ASTN2: variants seen among roughly 807,000 people sequenced by gnomAD.
ASTN2 encodes the protein astrotactin-2.
A neutral mutation model predicts 139.8 loss-of-function variants in ASTN2; 54 were observed. The observed-to-expected ratio is 0.39, with a 90% CI of 0.31 to 0.48. The LOEUF (loss-of-function observed/expected upper bound fraction) is 0.48. Ranked by LOEUF, ASTN2 falls within the 20% of genes least tolerant of loss-of-function variation. ASTN2 has a pLI of 0.95. For synonymous variants in ASTN2, 756 were observed against 719.5 expected, an observed-to-expected ratio of 1.05 and a Z score of -0.81; for missense variants, 1,565 against 1,725.1, an observed-to-expected ratio of 0.91 and a Z score of 1.64.
At chr9:116,951,005 T>G (rs556433445) in intron 10 of ASTN2, among the ~76,000 whole-genome samples, 78 of 152,136 alleles carry the variant, frequency 5.1e-4, no homozygotes, top group African/African-American at 1.9e-3. Flanking sequence ...AACAATGTGG[T>G]CAAGACAGAG....
chr9:116,986,763 T>G (rs908658028), intron 7 of ASTN2, among the ~76,000 whole-genome samples: 1 of 152,190 alleles, frequency 6.6e-6, no homozygotes, highest in African/African-American at 2.4e-5. Context: ...GAGCCAGAAC[T>G]GGAATCCATC....
chr9:117,194,851 A>G (rs1300072504), intron 3 of ASTN2, among the ~76,000 whole-genome samples: 1 of 152,240 alleles, frequency 6.6e-6, no homozygotes, highest in Non-Finnish European at 1.5e-5. Flanking sequence ...GATTCAACAA[A>G]TCATTGACTT....
intron 1 of ASTN2, among the ~76,000 whole-genome samples, chr9:117,300,419 A>G (rs1001353888): frequency 1.3e-5 from 2 of 152,206 alleles, no homozygotes; most frequent in African/African-American, 4.8e-5. Flanking sequence ...TGTCAAATCA[A>G]TGTATCACTA....
At chr9:117,398,040 GTATT>G (rs751721980) in intron 1 of ASTN2, among the ~76,000 whole-genome samples, 7 of 152,126 alleles carry the variant, frequency 4.6e-5, no homozygotes, top group African/African-American at 7.2e-5. Flanking sequence ...ATGTATGTAT[GTATT>G]TGTGTACATG....
intron 1 of ASTN2, among the ~76,000 whole-genome samples, chr9:117,411,262 C>G (rs941925148): frequency 6.6e-6 from 1 of 152,098 alleles, no homozygotes; most frequent in African/African-American, 2.4e-5. Context: ...TAACTATTTG[C>G]TATTCTTTGA....
chr9:116,627,661 G>GT (rs534634288), intron 17 of ASTN2, among the ~76,000 whole-genome samples: 1 of 152,170 alleles, frequency 6.6e-6, no homozygotes, highest in South Asian at 2.1e-4. Flanking sequence ...AAAATAGCCT[G>GT]TTCAAGGTCA....
intron 6 of ASTN2, among the ~76,000 whole-genome samples, chr9:117,033,105 T>A (rs1325378027): frequency 2.6e-5 from 4 of 152,182 alleles, no homozygotes; most frequent in Admixed American, 6.6e-5. Context: ...TTGGTGACAC[T>A]CTGTGTGAAG....
chr9:116,910,556 T>C (rs4838015), intron 10 of ASTN2, among the ~76,000 whole-genome samples: 128,617 of 152,206 alleles, frequency 0.85, 55,265 homozygotes, highest in Middle Eastern at 0.93. Context: ...CATTCTGCAA[T>C]CCTCAGTAAC....
At chr9:116,787,101 G>A (rs144025942) in intron 13 of ASTN2, among the ~76,000 whole-genome samples, 78 of 152,234 alleles carry the variant, frequency 5.1e-4, no homozygotes, top group African/African-American at 1.8e-3. Context: ...CCCAGTCTTG[G>A]GTATGTCCTT....
intron 2 of ASTN2, among the ~76,000 whole-genome samples, chr9:117,273,651 A>C (rs2133128991): frequency 6.6e-6 from 1 of 152,264 alleles, no homozygotes; most frequent in East Asian, 1.9e-4. Context: ...TCAGGTGTCC[A>C]TTTTCATTGC....
intron 2 of ASTN2, among the ~76,000 whole-genome samples, chr9:117,244,553 G>T (rs1833310193): frequency 7.1e-6 from 1 of 141,022 alleles, no homozygotes; most frequent in African/African-American, 2.6e-5. Flanking sequence ...AGGTAGGACA[G>T]TGGGGAAGGA....
intron 20 of ASTN2, among the ~76,000 whole-genome samples, chr9:116,484,917 T>C (rs1344378953): frequency 6.6e-6 from 1 of 152,172 alleles, no homozygotes; most frequent in Non-Finnish European, 1.5e-5. Context: ...AAACATTTCA[T>C]TGCTGTCTAC....
chr9:117,077,479 A>G (rs748065287), intron 5 of ASTN2, among the ~76,000 whole-genome samples: 30 of 152,150 alleles, frequency 2.0e-4, no homozygotes, highest in Non-Finnish European at 3.7e-4. Flanking sequence ...CGGGTGCGGT[A>G]GCTCATGCTT....
At chr9:116,538,127 AATGAATAAGAGCT>A (rs1225034877) in intron 19 of ASTN2, among the ~76,000 whole-genome samples, 2 of 152,152 alleles carry the variant, frequency 1.3e-5, no homozygotes, top group Non-Finnish European at 2.9e-5. Flanking sequence ...ATCTGATAGG[AATGAATAAGAGCT>A]ATGGTCCCCA....
chr9:117,043,116 C>T (rs576826067), intron 5 of ASTN2, among the ~76,000 whole-genome samples: 9 of 152,262 alleles, frequency 5.9e-5, no homozygotes, highest in South Asian at 2.1e-4. Flanking sequence ...GGTGATCCAC[C>T]GACCTCAGCC....
intron 16 of ASTN2, chr9:116,687,382 G>T: frequency 3.4e-5 from 8 of 238,054 alleles, no homozygotes; most frequent in Non-Finnish European, 4.7e-5. Context: ...GGGCGGTCAG[G>T]TAGGGGGCGG....
chr9:117,249,477 C>A (rs555582065), intron 2 of ASTN2, among the ~76,000 whole-genome samples: 1 of 152,236 alleles, frequency 6.6e-6, no homozygotes, highest in Non-Finnish European at 1.5e-5. Context: ...CAGAGGTTTT[C>A]AAACTTTATT....
At chr9:116,791,075 A>C (rs569406745) in intron 13 of ASTN2, among the ~76,000 whole-genome samples, 9 of 152,056 alleles carry the variant, frequency 5.9e-5, no homozygotes, top group Non-Finnish European at 1.0e-4. Context: ...GAAAGGTCTC[A>C]AACTCCTGGC....
chr9:117,404,531 T>A (rs1192553100), intron 1 of ASTN2, among the ~76,000 whole-genome samples: 1 of 152,226 alleles, frequency 6.6e-6, no homozygotes, highest in Non-Finnish European at 1.5e-5. Context: ...TGGATTTATA[T>A]AGCATTATAA....
Sources: allele counts gnomAD v4.1 joint callset (sites outside exome capture counted in the v4.1 genomes callset), GRCh38; gene constraint gnomAD v4.1.1; transcripts MANE v1.5; gene names NCBI Gene and HGNC (gene_info 2026-07-23, HGNC 2026-07-21).